MOB1A: variants seen among roughly 807,000 people sequenced by gnomAD.
MOB1A encodes the protein MOB kinase activator 1A.
In MOB1A, 10 loss-of-function variants were observed where a neutral mutation model predicts 25.1. The ratio of observed to expected loss-of-function variants is 0.40; its 90% CI spans 0.25 to 0.68. The LOEUF (loss-of-function observed/expected upper bound fraction) is 0.68, where lower values mean the gene tolerates loss of function less well. Ranked by LOEUF, MOB1A falls within the 30% of genes least tolerant of loss-of-function variation. The probability of loss-of-function intolerance (pLI) is 0.40; values close to 1 mark genes in which losing one functional copy is unlikely to be tolerated. For missense variants in MOB1A, 177 were observed against 256.3 expected, an observed-to-expected ratio of 0.69 and a Z score of 2.11; for synonymous variants, 81 against 79.5, an observed-to-expected ratio of 1.02 and a Z score of -0.10.
At chr2:74,174,272 AAAAAAAAAAAAAAG>A (rs1373735767) in intron 1 of MOB1A, among the ~76,000 whole-genome samples, 1 of 150,324 alleles carries the variant, frequency 6.7e-6, no homozygotes, top group African/African-American at 2.4e-5. Context: ...TCCGTCTCAA[AAAAAAAAAAAAAAG>A]AAAAGAAAAG....
rs913820829 is a variant in MOB1A, at chr2:74,172,657, C to A, written c.110G>T (p.Gly37Val). The A allele has an allele frequency of 5.0e-6, 8 of 1,613,790 alleles. No homozygotes were observed. The highest frequency in any genetic ancestry group is 1.3e-5 in the African/African-American group (1 of 74,944). ...ELLKHAEATL[G>V]SGNLRQAVML... ...AACAGCTTGTCTCAGATTCCCACTT[C>A]CTAGAGTTGCTTCTGCATGTTTTAA... Residue 37 changes from glycine (G) to valine (V), a missense_variant, in exon 2 of 6, where the codon GGA (glycine) becomes GTA (valine). Physicochemically the swap from Gly to Val is moderately radical, Grantham distance 109. Coordinates refer to ENST00000396049, the MANE Select transcript of MOB1A (RefSeq NM_018221.5).
chr2:74,166,114 A>G (rs1693122512), intron 3 of MOB1A, among the ~76,000 whole-genome samples: 1 of 152,040 alleles, frequency 6.6e-6, no homozygotes, highest in African/African-American at 2.4e-5. Flanking sequence ...TATAAGAAAA[A>G]AAAAAGAAAC....
At position 74,154,519 on chromosome 2, in the gene MOB1A, T is replaced by C. The variant is rs1167624719; in HGVS notation, c.*2049A>G. The C allele has an allele frequency of 1.4e-5, 2 of 143,794 alleles. No homozygotes were observed. Among genetic ancestry groups the C allele is most frequent in the Non-Finnish European group, 3.1e-5 (2 of 64,452 alleles). The allele number at this position is 143,794 out of a possible 1,614,324, so 8.9% of individuals were successfully genotyped here. A position where few individuals can be genotyped will look rare whatever the true frequency, so the allele number is the denominator to read the frequency against. On this transcript the variant is annotated 3_prime_UTR_variant, in exon 6 of 6. Transcript: ENST00000396049. Reference sequence around the variant, plus strand: ...TGACATGTGATCGTCTTTCATTTGCTTTGGAGCTTAGTGGTGAAGAGAGGG... The same window carrying C: ...TGACATGTGATCGTCTTTCATTTGCCTTGGAGCTTAGTGGTGAAGAGAGGG...
chr2:74,173,927 C>T (rs1227565552), intron 1 of MOB1A, among the ~76,000 whole-genome samples: 6 of 108,846 alleles, frequency 5.5e-5, no homozygotes, highest in East Asian at 5.8e-4. Context: ...CCAGCCTGGG[C>T]GACAGAGCGA....
rs1165795399 is a variant in MOB1A, at chr2:74,165,277, T to C, written c.350A>G (p.Tyr117Cys). ...IKCSAPKYID[Y>C]LMTWVQDQLD... ...CTGATCTTGAACCCAAGTCATCAAA[T>C]AGTCAATGTATTTTGGTGCAGAACA... Residue 117 changes from tyrosine to cysteine, a missense_variant, in exon 4 of 6, where the codon TAT becomes TGT. Physicochemically the swap from Tyr to Cys is radical, Grantham distance 194. Coordinates refer to ENST00000396049, the MANE Select transcript of MOB1A (RefSeq NM_018221.5). 1 of 1,580,028 alleles carries C rather than the reference T, an allele frequency of 6.3e-7. No homozygotes were observed. The highest frequency in any genetic ancestry group is 8.6e-7 in the Non-Finnish European group (1 of 1,161,208).
intron 1 of MOB1A, among the ~76,000 whole-genome samples, chr2:74,176,275 C>CAAAAAAA (rs1201428854): frequency 1.7e-4 from 5 of 29,614 alleles, no homozygotes; most frequent in African/African-American, 7.8e-4. Context: ...GACCCTGTCT[C>CAAAAAAA]AAAAAAAAAA....
chr2:74,175,736 CCAGA>C, intron 1 of MOB1A, among the ~76,000 whole-genome samples: 1 of 152,170 alleles, frequency 6.6e-6, no homozygotes, highest in East Asian at 1.9e-4. Context: ...GTTAAGAAAA[CCAGA>C]CAGAGTACAC....
intron 1 of MOB1A, chr2:74,173,270 C>T: frequency 4.0e-6 from 2 of 502,928 alleles, no homozygotes. Flanking sequence ...TTTTACTATG[C>T]CCTCTGAAGA....
intron 2 of MOB1A, among the ~76,000 whole-genome samples, chr2:74,170,141 T>C (rs1488947425): frequency 6.6e-6 from 1 of 151,894 alleles, no homozygotes; most frequent in Non-Finnish European, 1.5e-5. Flanking sequence ...TGTTTGTTTT[T>C]GTGTGTGTGT....
chr2:74,178,620 T>C, intron 1 of MOB1A, 41 bp downstream of exon 1: 1 of 1,364,860 alleles, frequency 7.3e-7, no homozygotes, highest in Non-Finnish European at 9.5e-7. Context: ...CCCCACAACC[T>C]CGGCCCGCAG....
At position 74,165,283 on chromosome 2, in the gene MOB1A, A is replaced by G. The variant is rs1693098987; in HGVS notation, c.344T>C (p.Ile115Thr). Residue 115 changes from isoleucine (I) to threonine (T), a missense_variant, in exon 4 of 6, where the codon ATT (isoleucine) becomes ACT (threonine). Ile to Thr is a moderately conservative substitution (Grantham distance 89, BLOSUM62 -1). Coordinates refer to ENST00000396049, the MANE Select transcript of MOB1A (RefSeq NM_018221.5). ...KPIKCSAPKY[I>T]DYLMTWVQDQ... ...TTGAACCCAAGTCATCAAATAGTCAATGTATTTTGGTGCAGAACATTTGAT... is the reference window on the plus strand; with the variant it reads ...TTGAACCCAAGTCATCAAATAGTCAGTGTATTTTGGTGCAGAACATTTGAT... 1 of 1,583,656 alleles carries G rather than the reference A, an allele frequency of 6.3e-7. No individual in the cohort carries two copies. Among genetic ancestry groups the G allele is most frequent in the Non-Finnish European group, 8.6e-7 (1 of 1,163,028 alleles).
intron 4 of MOB1A, among the ~76,000 whole-genome samples, chr2:74,161,716 G>A (rs549730279): frequency 6.6e-6 from 1 of 151,728 alleles, no homozygotes; most frequent in East Asian, 1.9e-4. Flanking sequence ...AGCTCTTTGG[G>A]AGACTGAAGC....
In MOB1A at chr2:74,176,775, A is replaced by AAG. The variant is rs1179200248; in HGVS notation, c.14+1885_14+1886insCT. Among the ~76,000 whole-genome samples the AAG allele has an allele frequency of 1.3e-4, 19 of 151,970 alleles. 1 individual carries two copies. Among genetic ancestry groups the AAG allele is most frequent in the Admixed American group, 6.6e-4 (10 of 15,230 alleles). Reference sequence around the variant, plus strand: ...CAAGACTCTGTCTCAAAAAAAAAAAAAAAGAAAATTAACAAGTGCTATGAG... The same window carrying AAG: ...CAAGACTCTGTCTCAAAAAAAAAAAAAGAAAGAAAATTAACAAGTGCTATGAG... On this transcript the variant is annotated intron_variant, in intron 1 of 5. Coordinates refer to ENST00000396049, the MANE Select transcript of MOB1A (RefSeq NM_018221.5).
chr2:74,170,416 C>T (rs569793890), intron 2 of MOB1A, among the ~76,000 whole-genome samples: 18 of 152,154 alleles, frequency 1.2e-4, no homozygotes, highest in African/African-American at 4.1e-4. Flanking sequence ...GGATTACAGG[C>T]GTGAGCCACC....
chr2:74,175,638 G>C (rs942510840), intron 1 of MOB1A, among the ~76,000 whole-genome samples: 1 of 152,104 alleles, frequency 6.6e-6, no homozygotes, highest in Non-Finnish European at 1.5e-5. Flanking sequence ...GTTTTTAATA[G>C]GGAGAAACCT....
At position 74,153,609 on chromosome 2, in the gene MOB1A, A is replaced by G. The variant is rs566536068; in HGVS notation, c.*2959T>C. 6.6e-6 allele frequency: 1 copy of G among 152,396 alleles called. No individual in the cohort carries two copies. Among genetic ancestry groups the G allele is most frequent in the African/African-American group, 2.4e-5 (1 of 41,602 alleles). 9.4% of individuals were successfully genotyped at this position (152,396 alleles called of 1,614,324 possible). ...ATTTGGCTGTCAATACAAAAACTGT[A>G]GTACAAGGAAGTTCAACTGTTTAAA... is the stretch of plus-strand genomic sequence containing the variant. On this transcript the variant is annotated 3_prime_UTR_variant, in exon 6 of 6. Coordinates refer to ENST00000396049, the MANE Select transcript of MOB1A (RefSeq NM_018221.5).
chr2:74,165,094 A>T (rs886521204), intron 4 of MOB1A, 124 bp downstream of exon 4: 6 of 591,556 alleles, frequency 1.0e-5, no homozygotes, highest in Non-Finnish European at 1.6e-5. Context: ...CCAAGGCAGG[A>T]GGATCACTTG....
chr2:74,155,937 T>A lies in MOB1A; in HGVS notation c.*631A>T, dbSNP rs1420996579. On this transcript the variant is annotated 3_prime_UTR_variant, in exon 6 of 6. Transcript: ENST00000396049. ...AAAGTCCCTGTAAAAATAACTTTGG[T>A]TGCTCCCACCCACACGTCATATGAT... 6.6e-6 allele frequency: 1 copy of A among 152,528 alleles called. No homozygotes were observed. Among genetic ancestry groups the A allele is most frequent in the Non-Finnish European group, 1.5e-5 (1 of 67,988 alleles). 9.4% of individuals were successfully genotyped at this position (152,528 alleles called of 1,614,324 possible). A position where few individuals can be genotyped will look rare whatever the true frequency, so the allele number is the denominator to read the frequency against.
At chr2:74,162,384 G>A (rs767997476) in intron 4 of MOB1A, among the ~76,000 whole-genome samples, 1 of 152,090 alleles carries the variant, frequency 6.6e-6, no homozygotes, top group Admixed American at 6.5e-5. Context: ...TGGAGGCTGA[G>A]GCACGAGAAT....
Sources: gnomAD v4.1 joint callset for allele counts (sites outside exome capture counted in the v4.1 genomes callset) on GRCh38, gnomAD v4.1.1 for gene constraint, MANE v1.5 for transcripts, NCBI Gene and HGNC (gene_info 2026-07-23, HGNC 2026-07-21) for gene names.